The following PPHLN1 variants were observed in gnomAD, a reference collection of about 807,000 sequenced individuals.
PPHLN1 encodes periphilin 1, also known as periphilin-1.
PPHLN1 carries 29 observed loss-of-function variants against 51.3 expected under a neutral mutation model. The ratio of observed to expected loss-of-function variants is 0.57; its 90% CI spans 0.42 to 0.77. PPHLN1 has a LOEUF of 0.77. Among genes scored for constraint, PPHLN1 ranks in the 30% least tolerant of loss-of-function variants. The pLI is 0.00. For missense variants in PPHLN1, 436 were observed against 438.4 expected (o/e 0.99, Z 0.05); for synonymous variants, 147 against 147.8 (o/e 0.99, Z 0.04).
At chr12:42,442,632 C>T, downstream of PPHLN1, 1 of 1,613,852 alleles carries the variant, frequency 6.2e-7, no homozygotes, top group Non-Finnish European at 8.5e-7. Context: ...CATCCGGTCG[C>T]TCGGCCAGAG....
chr12:42,428,849 C>CT (rs1247303298), intron 9 of PPHLN1, among the ~76,000 whole-genome samples: 9 of 137,246 alleles, frequency 6.6e-5, no homozygotes, highest in Middle Eastern at 4.3e-3. Flanking sequence ...ACTTAAGGGA[C>CT]TTTCTAAGTG....
chr12:42,426,418 A>G (rs1425389663), intron 9 of PPHLN1, among the ~76,000 whole-genome samples: 1 of 152,154 alleles, frequency 6.6e-6, no homozygotes, highest in Non-Finnish European at 1.5e-5. Context: ...TTGTAGCAGC[A>G]GTATGATAAG....
At chr12:42,405,206 A>G (rs1358853376) in intron 9 of PPHLN1, among the ~76,000 whole-genome samples, 1 of 152,174 alleles carries the variant, frequency 6.6e-6, no homozygotes, top group East Asian at 1.9e-4. Context: ...TCCTTTTCCT[A>G]AAGCATAAGT....
In PPHLN1 at chr12:42,351,915, C is replaced by T. The variant is rs192185341; in HGVS notation, c.103C>T (p.Pro35Ser). The T allele has an allele frequency of 6.3e-7, 1 of 1,574,840 alleles. No homozygotes were observed. Among genetic ancestry groups the T allele is most frequent in the Non-Finnish European group, 8.6e-7 (1 of 1,166,384 alleles). ...DGYNRLVNIV[P>S]KKPPLLDRPG... is the part of the protein sequence containing the mutation. The stretch of plus-strand genomic sequence containing the variant: ...CTACAATAGACTAGTTAATATTGTG[C>T]CAAAGAAACCACCACTGCTAGACAG... The change falls in exon 3 of 10, where the codon CCA becomes TCA. Residue 35 changes from proline (P) to serine (S), a missense_variant. Physicochemically the swap from Pro to Ser is moderately conservative, Grantham distance 74. Transcript: ENST00000358314.
rs865827748 is a variant in PPHLN1, at chr12:42,360,124, G to T, written c.299+4902G>T. ...AGACTCCATCTCAAAAAAAAAAAAA[G>T]AAAAATTGCAAGAATAACTGAAAAC... is the stretch of plus-strand genomic sequence containing the variant. On this transcript the variant is annotated intron_variant, in intron 4 of 9. Coordinates refer to ENST00000358314, the MANE Select transcript of PPHLN1 (RefSeq NM_201439.2). 1.5e-3 allele frequency among the ~76,000 whole-genome samples: 163 copies of T among 112,216 alleles called. 3 individuals are homozygous for T. Among genetic ancestry groups the T allele is most frequent in the African/African-American group, 5.8e-3 (157 of 27,158 alleles). 73.6% of individuals were successfully genotyped at this position (112,216 alleles called of 152,430 possible). A position where few individuals can be genotyped will look rare whatever the true frequency, so the allele number is the denominator to read the frequency against.
chr12:42,385,152 A>G (rs892675546), intron 6 of PPHLN1, among the ~76,000 whole-genome samples, 156 bp downstream of exon 6: 3 of 152,158 alleles, frequency 2.0e-5, no homozygotes, highest in African/African-American at 7.2e-5. Context: ...TTTGGGGGGC[A>G]TTTGTGGGCT....
intron 9 of PPHLN1, among the ~76,000 whole-genome samples, chr12:42,435,924 G>A (rs2082439104): frequency 6.6e-6 from 1 of 152,166 alleles, no homozygotes; most frequent in Non-Finnish European, 1.5e-5. Flanking sequence ...CTCATGTCCA[G>A]TATGGCAGCC....
downstream of PPHLN1, among the ~76,000 whole-genome samples, chr12:42,442,351 G>A (rs1238456844): frequency 6.6e-6 from 1 of 152,176 alleles, no homozygotes; most frequent in Admixed American, 6.5e-5. Context: ...TAGGTAACAA[G>A]GTAGTGTAAA....
At chr12:42,354,793 A>T (rs2073849025) in intron 3 of PPHLN1, among the ~76,000 whole-genome samples, 1 of 152,182 alleles carries the variant, frequency 6.6e-6, no homozygotes, top group African/African-American at 2.4e-5. Context: ...CTTGAAACTG[A>T]AAATTGGTGA....
chr12:42,351,036 GT>G (rs1340185504), intron 2 of PPHLN1, among the ~76,000 whole-genome samples: 3 of 151,878 alleles, frequency 2.0e-5, no homozygotes, highest in African/African-American at 4.8e-5. Context: ...AGAGGGTTTT[GT>G]TTTTTTCCAG....
intron 9 of PPHLN1, among the ~76,000 whole-genome samples, chr12:42,430,006 T>C (rs1424056426): frequency 9.4e-6 from 1 of 106,834 alleles, no homozygotes; most frequent in Non-Finnish European, 2.0e-5. Context: ...TAAAGTGATG[T>C]GTCTTTTTGT....
intron 4 of PPHLN1, among the ~76,000 whole-genome samples, chr12:42,360,700 G>GA (rs1268487703): frequency 3.3e-5 from 5 of 151,738 alleles, no homozygotes; most frequent in Admixed American, 3.3e-4. Context: ...TCATTATGTT[G>GA]GCCAGGCTGC....
chr12:42,384,242 C>T (rs1467699052), intron 5 of PPHLN1, among the ~76,000 whole-genome samples: 1 of 151,146 alleles, frequency 6.6e-6, no homozygotes, highest in African/African-American at 2.4e-5. Context: ...ATGTTATTTT[C>T]TCAGAGAAAA....
intron 9 of PPHLN1, among the ~76,000 whole-genome samples, chr12:42,419,435 T>C (rs1430915826): frequency 6.6e-6 from 1 of 152,140 alleles, no homozygotes; most frequent in Non-Finnish European, 1.5e-5. Context: ...GGTTTCACCA[T>C]GTTGGCTAAG....
In PPHLN1 at chr12:42,426,211, CA is replaced by C. The variant is rs1566010192; in HGVS notation, c.910-15103del. Among the ~76,000 whole-genome samples the C allele has an allele frequency of 5.5e-3, 791 of 144,888 alleles. 12 individuals carry two copies. Among genetic ancestry groups the C allele is most frequent in the African/African-American group, 0.021 (741 of 35,470 alleles). On this transcript the variant is annotated intron_variant, in intron 9 of 9. Transcript: ENST00000358314. ...ACACACACACACACACACACACACA[CA>C]CACACACACACACACACCCTCATGC...
At chr12:42,442,376 T>G (rs1223102880), downstream of PPHLN1, among the ~76,000 whole-genome samples, 3 of 152,200 alleles carry the variant, frequency 2.0e-5, no homozygotes, top group Non-Finnish European at 4.4e-5. Flanking sequence ...TTTATCTAGA[T>G]AAGTTTGTTT....
rs767359136 is a variant in PPHLN1, at chr12:42,375,102, CTCTCACAGTCTCCTCTGATGAG to C, written c.511+29_511+50del. ...ATGTATTTTAAGACTTTATTTTTTT[CTCTCACAGTCTCCTCTGATGAG>C]AATGTACTGAGTCAGATTTCCTTCT... On this transcript the variant is annotated intron_variant, in intron 5 of 9. Transcript: ENST00000358314. 3 of 1,488,370 alleles carry C rather than the reference CTCTCACAGTCTCCTCTGATGAG, an allele frequency of 2.0e-6. No homozygotes were observed. In the East Asian group the frequency reaches 6.8e-5, roughly 34 times the overall value. The allele number at this position is 1,488,370 out of a possible 1,614,324, so 92.2% of individuals were successfully genotyped here.
intron 1 of PPHLN1, among the ~76,000 whole-genome samples, chr12:42,327,934 C>T (rs1367855136): frequency 2.0e-5 from 3 of 151,906 alleles, no homozygotes; most frequent in Admixed American, 6.6e-5. Flanking sequence ...TTTGCCAGAA[C>T]ATCTAATTTT....
At chr12:42,398,283 A>C (rs931621761) in intron 8 of PPHLN1, among the ~76,000 whole-genome samples, 4 of 152,192 alleles carry the variant, frequency 2.6e-5, no homozygotes, top group Admixed American at 2.0e-4. Flanking sequence ...TCAGTGAATT[A>C]TTAGGCTACA....
Sources: allele counts gnomAD v4.1 joint callset (sites outside exome capture counted in the v4.1 genomes callset), GRCh38; gene constraint gnomAD v4.1.1; transcripts MANE v1.5; gene names NCBI Gene and HGNC (gene_info 2026-07-23, HGNC 2026-07-21).